Variants in CUL9 observed in about 807,000 individuals in gnomAD.
The protein encoded by CUL9 is cullin 9.
In CUL9, 79 loss-of-function variants were observed where a neutral mutation model predicts 272.6. That is an observed-to-expected ratio of 0.29 (90% confidence interval 0.24 to 0.35). CUL9 has a LOEUF of 0.35. Ranked by LOEUF, CUL9 falls within the 10% of genes least tolerant of loss-of-function variation. CUL9 has a pLI of 1.00. For synonymous variants in CUL9, 1,186 were observed against 1,286.5 expected, an observed-to-expected ratio of 0.92 and a Z score of 1.67; for missense variants, 2,532 against 3,255.6, an observed-to-expected ratio of 0.78 and a Z score of 5.41.
In CUL9 at chr6:43,224,236, G is replaced by A. The variant is rs372129868; in HGVS notation, c.7359-14G>A. 2.5e-6 allele frequency: 4 copies of A among 1,614,046 alleles called. No individual in the cohort carries two copies. Among genetic ancestry groups the A allele is most frequent in the Admixed American group, 1.7e-5 (1 of 60,006 alleles). ...GGCAGCCTCCTCTGGGCTGAGTGTGGTGGCTCTCCCTAGGCCCCAGGCCTC... is the reference window on the plus strand; with the variant it reads ...GGCAGCCTCCTCTGGGCTGAGTGTGATGGCTCTCCCTAGGCCCCAGGCCTC... On this transcript the variant is annotated splice_polypyrimidine_tract_variant and intron_variant, in intron 40 of 40. Transcript: ENST00000252050. The surrounding 1 kb of genome is among the most constrained non-coding windows in gnomAD (Gnocchi z 4.2).
At chr6:43,185,340 C>A (rs1772808275) in intron 2 of CUL9, 116 bp from the exon 3 acceptor site, 3 of 996,358 alleles carry the variant, frequency 3.0e-6, no homozygotes, top group Non-Finnish European at 4.4e-6. Context: ...GTATTTCTTT[C>A]TGTGAGCCTT....
Position 43,221,100 on chromosome 6 carries a change from C to T in CUL9, c.6589-58C>T, listed in dbSNP as rs1273151815. The T allele has an allele frequency of 1.9e-6, 3 of 1,584,020 alleles. No individual in the cohort carries two copies. Among genetic ancestry groups the T allele is most frequent in the East Asian group, 2.3e-5 (1 of 44,288 alleles). On this transcript the variant is annotated intron_variant, in intron 33 of 40. Coordinates refer to ENST00000252050, the MANE Select transcript of CUL9 (RefSeq NM_015089.4). This position sits in a 1 kb window ranked among gnomAD's most constrained non-coding sequence, Gnocchi z 4.2. ...TGCCTGCTCCCCTCTCTCCTGTGCA[C>T]ACCAGCCATGCTGCCCTCACGGCTC...
chr6:43,212,028 T>C (rs1775547964), intron 26 of CUL9, among the ~76,000 whole-genome samples: 1 of 152,266 alleles, frequency 6.6e-6, no homozygotes, highest in African/African-American at 2.4e-5. Flanking sequence ...CTTGCAATTA[T>C]TTCTGGAGGA....
Position 43,185,809 on chromosome 6 carries a change from A to G in CUL9, c.751-146A>G, listed in dbSNP as rs1310277412. ...GAATCTGTGTTTTAAGACACTCCCT[A>G]TGCCTTTCTTACACAAATCAAAGTT... On this transcript the variant is annotated intron_variant, in intron 3 of 40. Transcript: ENST00000252050. 6 of 1,202,682 alleles carry G rather than the reference A, an allele frequency of 5.0e-6. No individual in the cohort carries two copies. In the East Asian group the frequency reaches 1.5e-4, roughly 29 times the overall value. The allele number at this position is 1,202,682 out of a possible 1,614,324, so 74.5% of individuals were successfully genotyped here.
intron 30 of CUL9, 145 bp from the exon 31 acceptor site, chr6:43,216,013 C>T (rs1382535891): frequency 2.5e-5 from 17 of 685,204 alleles, no homozygotes; most frequent in East Asian, 5.5e-5. Context: ...TCTGCTCTGA[C>T]GGTTGGTTTG....
chr6:43,217,173 T>C (rs2150634286), intron 31 of CUL9, among the ~76,000 whole-genome samples: 1 of 152,232 alleles, frequency 6.6e-6, no homozygotes, highest in African/African-American at 2.4e-5. Context: ...CTGGGCAACA[T>C]GGCAAGACCC....
rs775259550 is a variant in CUL9 at position 43,184,544 on chromosome 6, G to T, written c.234G>T (p.Gly78=). The change falls in exon 2 of 41, where the codon GGG becomes GGT. Residue 78 remains glycine (G), a synonymous_variant. Coordinates refer to ENST00000252050, the MANE Select transcript of CUL9 (RefSeq NM_015089.4). This position sits in a 1 kb window ranked among gnomAD's most constrained non-coding sequence, Gnocchi z 4.8. ...SAPEVYANCP[G]LLGERALSKG... The stretch of plus-strand genomic sequence containing the variant: ...CTGAGGTCTACGCCAACTGCCCTGG[G>T]CTGTTAGGTGAGCGGGCACTATCTA... 3.1e-6 allele frequency: 5 copies of T among 1,612,908 alleles called. No homozygotes were observed. Among genetic ancestry groups the T allele is most frequent in the Non-Finnish European group, 4.2e-6 (5 of 1,179,140 alleles).
intron 9 of CUL9, among the ~76,000 whole-genome samples, chr6:43,195,020 A>C (rs1239150178): frequency 6.6e-6 from 1 of 152,076 alleles, no homozygotes. Context: ...GCGCCATTGC[A>C]CTCCAGCCTG....
At chr6:43,188,993 G>A (rs1773173365) in intron 8 of CUL9, 1 of 274,972 alleles carries the variant, frequency 3.6e-6, no homozygotes, top group Non-Finnish European at 6.8e-6. Context: ...CCTACTATAT[G>A]GGTGAGGAAA....
At chr6:43,201,526 C>A (rs1193026784) in intron 16 of CUL9, among the ~76,000 whole-genome samples, 1 of 152,292 alleles carries the variant, frequency 6.6e-6, no homozygotes, top group East Asian at 1.9e-4. Flanking sequence ...GCCGCCCAGG[C>A]TGGAGTACAG....
intron 11 of CUL9, among the ~76,000 whole-genome samples, chr6:43,197,621 T>C (rs551840526): frequency 1.3e-5 from 2 of 151,904 alleles, no homozygotes; most frequent in East Asian, 3.9e-4. Flanking sequence ...GTAGCTGGGA[T>C]TACAGGTGCG....
At chr6:43,192,059 C>CTTTTTT (rs777284621) in intron 8 of CUL9, among the ~76,000 whole-genome samples, 6 of 118,618 alleles carry the variant, frequency 5.1e-5, no homozygotes, top group African/African-American at 2.1e-4. Flanking sequence ...CCCCTTTTCT[C>CTTTTTT]TTTTTTTTTT....
rs1188908090 is a variant in CUL9 at position 43,200,780 on chromosome 6, G to A, written c.3593G>A (p.Gly1198Asp). The A allele has an allele frequency of 1.1e-5, 17 of 1,614,046 alleles. No homozygotes were observed. The highest frequency in any genetic ancestry group is 1.4e-5 in the Non-Finnish European group (17 of 1,180,038). The stretch of plus-strand genomic sequence containing the variant: ...CCCAAGACCTACTGGGAGTCCAACG[G>A]CAGCACCGGCTCCCACTACATCACC... ...HNPKTYWESN[G>D]STGSHYITLH... Residue 1198 changes from glycine to aspartate, a missense_variant, in exon 16 of 41, where the codon GGC becomes GAC. By Grantham distance (94) the Gly-to-Asp change is moderately conservative (BLOSUM62 -1). Around this residue, in one of 3 missense-constraint regions of CUL9, gnomAD observed 2,218 missense variants for 2,788.6 expected, o/e 0.80. Transcript: ENST00000252050. The surrounding 1 kb of genome is among the most constrained non-coding windows in gnomAD (Gnocchi z 4.0).
In CUL9 at chr6:43,206,642, A is replaced by G. The variant is rs941790675; in HGVS notation, c.5212+132A>G. On this transcript the variant is annotated intron_variant, in intron 26 of 40. Coordinates refer to ENST00000252050, the MANE Select transcript of CUL9 (RefSeq NM_015089.4). This position sits in a 1 kb window ranked among gnomAD's most constrained non-coding sequence, Gnocchi z 4.8. ...AGCTCCTAGCGAGGGATGAGAAAGC[A>G]TGGGTTGTAGTTTCATTAATTTCTG... 6.9e-6 allele frequency: 5 copies of G among 726,030 alleles called. No individual in the cohort carries two copies. The highest frequency in any genetic ancestry group is 5.7e-5 in the Admixed American group (2 of 35,108). The allele number at this position is 726,030 out of a possible 1,614,324, so 45.0% of individuals were successfully genotyped here. A position where few individuals can be genotyped will look rare whatever the true frequency, so the allele number is the denominator to read the frequency against.
intron 9 of CUL9, 128 bp downstream of exon 9, chr6:43,193,336 GT>G (rs1406164474): frequency 2.5e-6 from 2 of 787,544 alleles, no homozygotes; most frequent in Non-Finnish European, 4.2e-6. Flanking sequence ...GATGCAGATG[GT>G]TTTAAGAGTT....
Position 43,223,447 on chromosome 6 carries a change from G to A in CUL9, c.7284+50G>A, listed in dbSNP as rs770084237. The A allele has an allele frequency of 1.9e-6, 3 of 1,539,426 alleles. No individual in the cohort carries two copies. Among genetic ancestry groups the A allele is most frequent in the Non-Finnish European group, 8.8e-7 (1 of 1,135,962 alleles). On this transcript the variant is annotated intron_variant, in intron 39 of 40. Coordinates refer to ENST00000252050, the MANE Select transcript of CUL9 (RefSeq NM_015089.4). The surrounding 1 kb of genome is among the most constrained non-coding windows in gnomAD (Gnocchi z 4.1). ...TGCTCCTGCATTCTGCGGGAGTTGA[G>A]GTCCTCCTGTCCCAGCACAGCCCCT...
intron 9 of CUL9, among the ~76,000 whole-genome samples, chr6:43,194,657 G>C (rs1345659493): frequency 6.6e-6 from 1 of 151,984 alleles, no homozygotes; most frequent in East Asian, 1.9e-4. Context: ...GAGCAGCCAG[G>C]CATTCATAGT....
chr6:43,223,055 G>T lies in CUL9; in HGVS notation c.7150+159G>T. Reference sequence around the variant, plus strand: ...TCACTGCCTGGCTGTTAAAGCTCAGGTCGAAAGCCTACATTGTAAGGTGCC... The same window carrying T: ...TCACTGCCTGGCTGTTAAAGCTCAGTTCGAAAGCCTACATTGTAAGGTGCC... On this transcript the variant is annotated intron_variant, in intron 38 of 40. Transcript: ENST00000252050. This position sits in a 1 kb window ranked among gnomAD's most constrained non-coding sequence, Gnocchi z 4.1. The T allele has an allele frequency of 1.1e-6, 1 of 901,504 alleles. No individual in the cohort carries two copies. Among genetic ancestry groups the T allele is most frequent in the Non-Finnish European group, 1.7e-6 (1 of 592,440 alleles). 55.8% of individuals were successfully genotyped at this position (901,504 alleles called of 1,614,324 possible).
In CUL9 at chr6:43,216,646, A is replaced by G. The variant is rs981845234; in HGVS notation, c.6282+143A>G. The G allele has an allele frequency of 4.7e-5, 37 of 785,736 alleles. No homozygotes were observed. The Admixed American group carries it at 1.1e-3, about 23-fold the overall frequency. The allele number at this position is 785,736 out of a possible 1,614,324, so 48.7% of individuals were successfully genotyped here. On this transcript the variant is annotated intron_variant, in intron 31 of 40. Transcript: ENST00000252050. The stretch of plus-strand genomic sequence containing the variant: ...GATTTAGTCTCTTAGTCCTTCTTAA[A>G]CTAGTTTTGTCATCTGTAAGTGGTA...
Sources: allele counts gnomAD v4.1 joint callset (sites outside exome capture counted in the v4.1 genomes callset), GRCh38; gene constraint gnomAD v4.1.1; regional missense constraint gnomAD v4.1.1; non-coding constraint Gnocchi (gnomAD v3.1); transcripts MANE v1.5; gene names NCBI Gene and HGNC (gene_info 2026-07-23, HGNC 2026-07-21).